Variants in DMC1 observed in about 807,000 individuals in gnomAD.
DMC1 encodes DNA meiotic recombinase 1.
Under a neutral mutation model 50.1 loss-of-function variants are expected in DMC1, and 27 were observed. The ratio of observed to expected loss-of-function variants is 0.54; its 90% CI spans 0.40 to 0.74. DMC1 has a LOEUF of 0.74. Among genes scored for constraint, DMC1 ranks in the 30% least tolerant of loss-of-function variants. DMC1 has a pLI of 0.00. For missense variants in DMC1, 295 were observed against 420.2 expected, an observed-to-expected ratio of 0.70 and a Z score of 2.60; for synonymous variants, 148 against 136.1, an observed-to-expected ratio of 1.09 and a Z score of -0.61.
downstream of DMC1, among the ~76,000 whole-genome samples, chr22:38,516,601 G>A (rs114119471): frequency 5.1e-3 from 782 of 152,140 alleles, 11 homozygotes; most frequent in African/African-American, 0.017. Flanking sequence ...GTCAGATGTC[G>A]CCACAGGAGG....
intron 1 of DMC1, 184 bp from the exon 2 acceptor site, chr22:38,568,473 GCA>G (rs1461357073): frequency 1.1e-5 from 6 of 551,726 alleles, no homozygotes; most frequent in East Asian, 3.2e-5. Flanking sequence ...GTGTGTGTGT[GCA>G]TGTGTGTGTG....
At position 38,520,077 on chromosome 22, in the gene DMC1, A is replaced by C; in HGVS notation, c.966T>G (p.Pro322=). Residue 322 remains proline, a synonymous_variant, in exon 14 of 14, where the codon CCT becomes CCG. Transcript: ENST00000216024. The part of the protein sequence containing the change: ...IAKIYDSPEM[P]ENEATFAITA... Reference sequence around the variant, plus strand: ...TTATTGCGAAGGTGGCTTCATTTTCAGGCATCTCAGGACTAACAGAATACA... The same window carrying C: ...TTATTGCGAAGGTGGCTTCATTTTCCGGCATCTCAGGACTAACAGAATACA... 1 of 1,613,028 alleles carries C rather than the reference A, an allele frequency of 6.2e-7. No individual in the cohort carries two copies. Among genetic ancestry groups the C allele is most frequent in the Non-Finnish European group, 8.5e-7 (1 of 1,179,200 alleles).
chr22:38,552,326 C>G (rs566054246), intron 7 of DMC1, among the ~76,000 whole-genome samples: 41 of 152,210 alleles, frequency 2.7e-4, no homozygotes, highest in African/African-American at 9.6e-4. Context: ...GTGAAAGATT[C>G]TAGGACTCAA....
rs370387342 is a variant in DMC1 at position 38,520,055 on chromosome 22, T to G, written c.988A>C (p.Ile330Leu). 6.3e-5 allele frequency: 102 copies of G among 1,613,534 alleles called. No homozygotes were observed. The highest frequency in any genetic ancestry group is 8.5e-5 in the Non-Finnish European group (100 of 1,179,688). The change falls in exon 14 of 14, where the codon ATA becomes CTA. Residue 330 changes from isoleucine to leucine, a missense_variant. Ile to Leu is a conservative substitution (Grantham distance 5). Transcript: ENST00000216024. ...GCATCCCCAATTCCTCCAGCAGTTA[T>G]TGCGAAGGTGGCTTCATTTTCAGGC... ...EMPENEATFA[I>L]TAGGIGDAKE
chr22:38,540,850 AG>A (rs893599990), intron 8 of DMC1, among the ~76,000 whole-genome samples: 24 of 152,186 alleles, frequency 1.6e-4, no homozygotes, highest in Non-Finnish European at 3.1e-4. Context: ...ATGTTGTGGC[AG>A]GCCAGGTCTT....
At chr22:38,527,768 C>T (rs1324910536) in intron 12 of DMC1, among the ~76,000 whole-genome samples, 3 of 152,072 alleles carry the variant, frequency 2.0e-5, no homozygotes, top group African/African-American at 7.2e-5. Flanking sequence ...ATCCACCTGC[C>T]TCAGCCTCCC....
intron 5 of DMC1, among the ~76,000 whole-genome samples, chr22:38,557,953 G>GTTTTTTTTTTTTTTTTTT (rs1555940699): frequency 2.2e-4 from 21 of 94,952 alleles, no homozygotes; most frequent in Non-Finnish European, 3.5e-4. Flanking sequence ...ATTAGACAAA[G>GTTTTTTTTTTTTTTTTTT]TTCTTTTTTT....
At chr22:38,528,989 T>C (rs1176149833) in intron 12 of DMC1, among the ~76,000 whole-genome samples, 1 of 151,984 alleles carries the variant, frequency 6.6e-6, no homozygotes, top group East Asian at 1.9e-4. Flanking sequence ...TTTAGAGGGC[T>C]TTAATTTTCT....
chr22:38,545,428 AT>A (rs915724123), intron 8 of DMC1, among the ~76,000 whole-genome samples: 50 of 146,066 alleles, frequency 3.4e-4, no homozygotes, highest in Admixed American at 4.1e-4. Context: ...AAACAAAACA[AT>A]TTTTTTTTTT....
At position 38,543,329 on chromosome 22, in the gene DMC1, A is replaced by G. The variant is rs554050951; in HGVS notation, c.495-3917T>C. 2.6e-3 allele frequency among the ~76,000 whole-genome samples: 386 copies of G among 150,408 alleles called. 1 individual carries two copies. Among genetic ancestry groups the G allele is most frequent in the African/African-American group, 9.2e-3 (374 of 40,824 alleles). ...ACTGCAAGCTCCACCTCCCAGGTTC[A>G]CGCCATTCTCCTGCCTCAGCCACCT... On this transcript the variant is annotated intron_variant, in intron 8 of 13. Transcript: ENST00000216024.
chr22:38,524,550 T>C (rs1351898834), intron 12 of DMC1, among the ~76,000 whole-genome samples: 1 of 152,250 alleles, frequency 6.6e-6, no homozygotes, highest in African/African-American at 2.4e-5. Flanking sequence ...GTTGTACTCA[T>C]GTTTTCTCCT....
downstream of DMC1, among the ~76,000 whole-genome samples, chr22:38,515,797 C>G (rs1375236625): frequency 2.0e-5 from 3 of 152,056 alleles, no homozygotes; most frequent in Admixed American, 6.6e-5. Context: ...GACTCCATCT[C>G]AAAAATCAAT....
At chr22:38,524,641 T>C (rs2090067452) in intron 12 of DMC1, among the ~76,000 whole-genome samples, 1 of 152,098 alleles carries the variant, frequency 6.6e-6, no homozygotes, top group African/African-American at 2.4e-5. Flanking sequence ...CCCTCTGAAA[T>C]GAAAGCTCCT....
chr22:38,524,832 C>T (rs1467983559), intron 12 of DMC1, among the ~76,000 whole-genome samples: 3 of 152,066 alleles, frequency 2.0e-5, no homozygotes, highest in East Asian at 1.9e-4. Context: ...GAGGCCGAGG[C>T]GGGCGGATCA....
chr22:38,564,633 AC>A (rs1422973199), intron 4 of DMC1, among the ~76,000 whole-genome samples: 1 of 152,218 alleles, frequency 6.6e-6, no homozygotes, highest in African/African-American at 2.4e-5. Context: ...CTTAAAAAAT[AC>A]AAATAAAAAA....
At chr22:38,539,436 T>A (rs1489322312) in intron 8 of DMC1, 24 bp from the exon 9 acceptor site, 2 of 1,594,706 alleles carry the variant, frequency 1.3e-6, no homozygotes, top group South Asian at 1.1e-5. Context: ...AGATTAAGGA[T>A]CCAATAAGTC....
At position 38,538,567 on chromosome 22, in the gene DMC1, T is replaced by C. The variant is rs749245221; in HGVS notation, c.632A>G (p.His211Arg). ...TAGCTTGAAGATGCCAGCTTCTTCA[T>C]GGAACTTTGCTGCTACATAATCAAG... ...ELLDYVAAKF[H>R]EEAGIFKLLI... Residue 211 changes from histidine (H) to arginine (R), a missense_variant, in exon 10 of 14, where the codon CAT (histidine) becomes CGT (arginine). By Grantham distance (29) the His-to-Arg change is conservative. Transcript: ENST00000216024. 1.9e-6 allele frequency: 3 copies of C among 1,614,060 alleles called. No homozygotes were observed. Among genetic ancestry groups the C allele is most frequent in the South Asian group, 2.2e-5 (2 of 91,084 alleles).
At chr22:38,542,405 G>A (rs2090292256) in intron 8 of DMC1, among the ~76,000 whole-genome samples, 2 of 151,922 alleles carry the variant, frequency 1.3e-5, no homozygotes, top group African/African-American at 2.4e-5. Context: ...TCTAAATACC[G>A]ACAGGGAACA....
chr22:38,536,228 A>AAC (rs1602729914), intron 12 of DMC1, among the ~76,000 whole-genome samples: 1 of 151,434 alleles, frequency 6.6e-6, no homozygotes, highest in Non-Finnish European at 1.5e-5. Context: ...AAAAAAAAAA[A>AAC]ACACACACAC....
Sources: gnomAD v4.1 joint callset for allele counts (sites outside exome capture counted in the v4.1 genomes callset) on GRCh38, gnomAD v4.1.1 for gene constraint, MANE v1.5 for transcripts, NCBI Gene and HGNC (gene_info 2026-07-23, HGNC 2026-07-21) for gene names.